LSAMP: variants seen among roughly 807,000 people sequenced by gnomAD.
The protein encoded by LSAMP is limbic system-associated membrane protein.
A neutral mutation model predicts 38.6 loss-of-function variants in LSAMP; 7 were observed. The observed-to-expected ratio is 0.18, with a 90% CI of 0.10 to 0.34. The LOEUF (loss-of-function observed/expected upper bound fraction) is 0.34. Among genes scored for constraint, LSAMP ranks in the 10% least tolerant of loss-of-function variants. LSAMP has a pLI of 1.00. For missense variants in LSAMP, 313 were observed against 420.0 expected, an observed-to-expected ratio of 0.75 and a Z score of 2.23; for synonymous variants, 154 against 166.8, an observed-to-expected ratio of 0.92 and a Z score of 0.59.
At position 116,066,829 on chromosome 3, in the gene LSAMP, TTTA is replaced by T. The variant is rs1262861798; in HGVS notation, c.388+19492_388+19494del. ...CCTAAGACCACTTTATTTCCAAATA[TTTA>T]TTGTTTATTTATCCAACTCCTATTT... On this transcript the variant is annotated intron_variant, in intron 2 of 6. Transcript: ENST00000490035. Among the ~76,000 whole-genome samples, 5 of 152,366 alleles carry T rather than the reference TTTA, an allele frequency of 3.3e-5. No individual in the cohort carries two copies. In the East Asian group the frequency reaches 7.7e-4, roughly 24 times the overall value.
rs543267274 is a variant in LSAMP, at chr3:116,344,404, G to C, written c.155+100473C>G. 1.2e-4 allele frequency among the ~76,000 whole-genome samples: 19 copies of C among 152,274 alleles called. No homozygotes were observed. The South Asian group carries it at 3.9e-3, about 32-fold the overall frequency. The stretch of plus-strand genomic sequence containing the variant: ...TGATTAACAGCCAAAGATGGAAGAA[G>C]GGGGTGATGAGGGGGAGAACATTAT... On this transcript the variant is annotated intron_variant, in intron 1 of 6. Coordinates refer to ENST00000490035, the MANE Select transcript of LSAMP (RefSeq NM_002338.5).
chr3:116,329,885 A>T (rs773074986), intron 1 of LSAMP, among the ~76,000 whole-genome samples: 3 of 151,586 alleles, frequency 2.0e-5, no homozygotes, highest in African/African-American at 4.8e-5. Context: ...GAAAGGGTTT[A>T]AAAAAAATAC....
At chr3:115,981,212 G>T (rs1939350257) in intron 3 of LSAMP, among the ~76,000 whole-genome samples, 1 of 152,114 alleles carries the variant, frequency 6.6e-6, no homozygotes, top group Middle Eastern at 3.2e-3. Flanking sequence ...TTTGGATAGG[G>T]CTAAAAGGTC....
At chr3:115,974,215 G>C (rs776317401) in intron 3 of LSAMP, among the ~76,000 whole-genome samples, 7 of 151,954 alleles carry the variant, frequency 4.6e-5, no homozygotes, top group African/African-American at 7.3e-5. Flanking sequence ...ATGATGGCAG[G>C]CTCCTGTAAT....
At chr3:116,359,702 C>T (rs1217626786) in intron 1 of LSAMP, among the ~76,000 whole-genome samples, 2 of 151,854 alleles carry the variant, frequency 1.3e-5, no homozygotes, top group South Asian at 4.2e-4. Flanking sequence ...ACAAACCTGT[C>T]AAAACTAAGC....
chr3:116,194,618 C>G (rs1302496725), intron 1 of LSAMP, among the ~76,000 whole-genome samples: 1 of 152,080 alleles, frequency 6.6e-6, no homozygotes, highest in Non-Finnish European at 1.5e-5. Context: ...GGATGGTCTC[C>G]ATCTCTTGAC....
intron 3 of LSAMP, among the ~76,000 whole-genome samples, chr3:115,909,289 T>A (rs1309599586): frequency 6.6e-6 from 1 of 152,214 alleles, no homozygotes; most frequent in Non-Finnish European, 1.5e-5. Flanking sequence ...AGGCATCACA[T>A]CTCTGCTAGT....
chr3:115,851,669 C>T (rs1171159380), intron 4 of LSAMP, among the ~76,000 whole-genome samples: 1 of 152,126 alleles, frequency 6.6e-6, no homozygotes, highest in African/African-American at 2.4e-5. Context: ...GCATTCAATG[C>T]ATAGAAGAGA....
At chr3:116,171,720 A>G (rs573915484) in intron 1 of LSAMP, among the ~76,000 whole-genome samples, 2 of 152,236 alleles carry the variant, frequency 1.3e-5, no homozygotes, top group Admixed American at 1.3e-4. Flanking sequence ...GCCATCATCC[A>G]TGGGACCCTA....
chr3:116,291,684 A>G (rs1316811642), intron 1 of LSAMP, among the ~76,000 whole-genome samples: 1 of 152,124 alleles, frequency 6.6e-6, no homozygotes, highest in East Asian at 1.9e-4. Flanking sequence ...CTTTCCTCCC[A>G]TATGGCCCAG....
At chr3:116,097,591 C>A (rs1236860441) in intron 1 of LSAMP, among the ~76,000 whole-genome samples, 2 of 152,036 alleles carry the variant, frequency 1.3e-5, no homozygotes, top group Non-Finnish European at 2.9e-5. Context: ...AGTATGTAAG[C>A]CCATGAGTAA....
At chr3:115,988,530 G>T (rs1939578883) in intron 3 of LSAMP, among the ~76,000 whole-genome samples, 1 of 152,034 alleles carries the variant, frequency 6.6e-6, no homozygotes, top group African/African-American at 2.4e-5. Context: ...TCAAAATTCT[G>T]GGCTTAAGTG....
chr3:116,105,001 C>T (rs886806382), intron 1 of LSAMP, among the ~76,000 whole-genome samples: 2 of 152,106 alleles, frequency 1.3e-5, no homozygotes, highest in African/African-American at 4.8e-5. Context: ...TAGCAGGCAC[C>T]CGTGTCAAAT....
chr3:115,891,538 C>T (rs1936600485), intron 3 of LSAMP, among the ~76,000 whole-genome samples: 1 of 152,000 alleles, frequency 6.6e-6, no homozygotes, highest in South Asian at 2.1e-4. Context: ...AGTGCTGACA[C>T]ATGAGCAATA....
At chr3:116,356,796 T>C (rs2048228402) in intron 1 of LSAMP, among the ~76,000 whole-genome samples, 3 of 151,408 alleles carry the variant, frequency 2.0e-5, no homozygotes, top group African/African-American at 2.4e-5. Flanking sequence ...AGTTTCTTTC[T>C]TTTTTTTTGT....
chr3:116,438,058 T>G (rs368587043), intron 1 of LSAMP, among the ~76,000 whole-genome samples: 1 of 34,220 alleles, frequency 2.9e-5, no homozygotes, highest in Admixed American at 2.7e-4. Context: ...TACAGGTAAC[T>G]ACAAAAAAAA....
Position 116,375,371 on chromosome 3 carries a change from T to G in LSAMP, c.155+69506A>C, listed in dbSNP as rs143538876. Among the ~76,000 whole-genome samples the G allele has an allele frequency of 3.9e-5, 6 of 152,060 alleles. No homozygotes were observed. The East Asian group carries it at 1.2e-3, about 29-fold the overall frequency. On this transcript the variant is annotated intron_variant, in intron 1 of 6. Coordinates refer to ENST00000490035, the MANE Select transcript of LSAMP (RefSeq NM_002338.5). The stretch of plus-strand genomic sequence containing the variant: ...TTTTAAGTATATGCATCCATGAAAT[T>G]TAGAAAATGTATTACTAGTCATATT...
intron 1 of LSAMP, among the ~76,000 whole-genome samples, chr3:116,107,844 G>T (rs1708503554): frequency 6.6e-6 from 1 of 152,138 alleles, no homozygotes; most frequent in Non-Finnish European, 1.5e-5. Flanking sequence ...AGGTATTGAG[G>T]ATAGGAGAGT....
intron 3 of LSAMP, among the ~76,000 whole-genome samples, chr3:115,963,446 T>C (rs1576261709): frequency 6.6e-6 from 1 of 152,330 alleles, no homozygotes; most frequent in Admixed American, 6.5e-5. Flanking sequence ...AGTATTGTAC[T>C]CTGGTTATTA....
Sources: allele counts gnomAD v4.1 joint callset (sites outside exome capture counted in the v4.1 genomes callset), GRCh38; gene constraint gnomAD v4.1.1; transcripts MANE v1.5; gene names NCBI Gene and HGNC (gene_info 2026-07-23, HGNC 2026-07-21).